AGBL4: variants seen among roughly 807,000 people sequenced by gnomAD.
The protein encoded by AGBL4 is cytosolic carboxypeptidase 6.
Under a neutral mutation model 66.4 loss-of-function variants are expected in AGBL4, and 58 were observed. That is an observed-to-expected ratio of 0.87 (90% CI 0.71 to 1.09). AGBL4 has a LOEUF of 1.09. AGBL4 is among the 50% of genes least tolerant of loss of function. The pLI, the probability that AGBL4 is intolerant of heterozygous loss-of-function variation, is 0.00. For missense variants in AGBL4, 579 were observed against 631.0 expected (o/e 0.92, Z 0.88); for synonymous variants, 234 against 222.9 (o/e 1.05, Z -0.44).
intron 3 of AGBL4, among the ~76,000 whole-genome samples, chr1:49,489,052 T>G (rs953618187): frequency 3.9e-5 from 6 of 151,908 alleles, no homozygotes; most frequent in Admixed American, 6.6e-5. Context: ...ATATATCTAG[T>G]AGTGGAATTG....
intron 4 of AGBL4, among the ~76,000 whole-genome samples, chr1:49,145,957 A>G (rs1646209516): frequency 6.6e-6 from 1 of 152,222 alleles, no homozygotes; most frequent in Non-Finnish European, 1.5e-5. Flanking sequence ...ATTTGCAACG[A>G]CATGGATGGA....
chr1:49,390,956 G>A (rs1644832483), intron 3 of AGBL4, among the ~76,000 whole-genome samples: 2 of 152,180 alleles, frequency 1.3e-5, no homozygotes, highest in South Asian at 4.1e-4. Context: ...CCTTACACCA[G>A]GCTGCGGTGT....
At chr1:49,158,785 C>T (rs1646484107) in intron 4 of AGBL4, among the ~76,000 whole-genome samples, 1 of 151,546 alleles carries the variant, frequency 6.6e-6, no homozygotes, top group African/African-American at 2.4e-5. Flanking sequence ...GGATAATTAG[C>T]TCTTCTTGTT....
At chr1:48,712,215 C>G (rs1646978757) in intron 6 of AGBL4, among the ~76,000 whole-genome samples, 1 of 152,188 alleles carries the variant, frequency 6.6e-6, no homozygotes, top group Non-Finnish European at 1.5e-5. Context: ...TCCCTTCCTT[C>G]TTCTGTTCCA....
intron 1 of AGBL4, among the ~76,000 whole-genome samples, chr1:49,894,325 A>G (rs981108016): frequency 1.3e-5 from 2 of 152,146 alleles, no homozygotes; most frequent in African/African-American, 4.8e-5. Flanking sequence ...GAATGAACCT[A>G]CACAAGCATC....
chr1:49,688,319 G>A (rs1474262371), intron 3 of AGBL4, among the ~76,000 whole-genome samples: 1 of 152,142 alleles, frequency 6.6e-6, no homozygotes, highest in Non-Finnish European at 1.5e-5. Flanking sequence ...CAAAAAGAGA[G>A]AGCATGTAAA....
intron 3 of AGBL4, among the ~76,000 whole-genome samples, chr1:49,634,257 C>G (rs1645628109): frequency 6.6e-6 from 1 of 152,034 alleles, no homozygotes. Flanking sequence ...TGTTCCCCTC[C>G]CTGTGTCCAT....
intron 11 of AGBL4, among the ~76,000 whole-genome samples, chr1:48,549,410 G>A (rs1180498048): frequency 6.6e-6 from 1 of 152,174 alleles, no homozygotes; most frequent in Non-Finnish European, 1.5e-5. Context: ...CCCATTGCAG[G>A]CAAGTCCAGA....
At chr1:48,960,222 G>T (rs767692488) in intron 5 of AGBL4, among the ~76,000 whole-genome samples, 3 of 152,062 alleles carry the variant, frequency 2.0e-5, no homozygotes, top group Non-Finnish European at 4.4e-5. Context: ...TGGTGGAAAG[G>T]CTATTGGAAA....
chr1:48,653,065 C>T (rs1645957425), intron 8 of AGBL4, among the ~76,000 whole-genome samples: 1 of 152,140 alleles, frequency 6.6e-6, no homozygotes, highest in South Asian at 2.1e-4. Flanking sequence ...CCCAAGGTTA[C>T]ATGGAAAGTA....
At chr1:49,810,188 C>A (rs1201534024) in intron 2 of AGBL4, among the ~76,000 whole-genome samples, 4 of 151,898 alleles carry the variant, frequency 2.6e-5, no homozygotes, top group Non-Finnish European at 1.5e-5. Context: ...GTCACACAAC[C>A]AGTAAGTAGC....
chr1:49,741,366 C>T (rs187714464), intron 2 of AGBL4, among the ~76,000 whole-genome samples: 3 of 152,304 alleles, frequency 2.0e-5, no homozygotes, highest in Admixed American at 1.3e-4. Flanking sequence ...AGTTGAATCT[C>T]TGAATAGACC....
At chr1:49,059,353 A>G (rs897640606) in intron 4 of AGBL4, among the ~76,000 whole-genome samples, 1 of 152,230 alleles carries the variant, frequency 6.6e-6, no homozygotes, top group Admixed American at 6.5e-5. Flanking sequence ...TGTTGGGCCT[A>G]TGGGTACACA....
chr1:48,781,832 C>G (rs907441146), intron 6 of AGBL4, among the ~76,000 whole-genome samples: 1 of 152,226 alleles, frequency 6.6e-6, no homozygotes, highest in African/African-American at 2.4e-5. Flanking sequence ...AGCTCTTTGT[C>G]TTCTGCCCAA....
chr1:49,530,978 T>C (rs1651097291), intron 3 of AGBL4, among the ~76,000 whole-genome samples: 1 of 152,122 alleles, frequency 6.6e-6, no homozygotes, highest in South Asian at 2.1e-4. Flanking sequence ...AAATAGTATA[T>C]GTAAATACCT....
rs1650746814 is a variant in AGBL4, at chr1:49,743,716, T to C, written c.158-46279A>G. ...GGCACATATACACCATGGAATACTA[T>C]GAAGCCATAAAAAATTATGAGTTCA... is the stretch of plus-strand genomic sequence containing the variant. On this transcript the variant is annotated intron_variant, in intron 2 of 13. Coordinates refer to ENST00000371839, the MANE Select transcript of AGBL4 (RefSeq NM_032785.4). 2.0e-5 allele frequency among the ~76,000 whole-genome samples: 3 copies of C among 152,102 alleles called. No individual in the cohort carries two copies. The South Asian group carries it at 6.2e-4, about 32-fold the overall frequency.
chr1:48,925,581 A>G lies in AGBL4; in HGVS notation c.595-58351T>C, dbSNP rs140334574. ...TGTATTTTATGTGTGGCCCAAGACA[A>G]TTATTCTTCTTCCAATGTGGCCCAG... On this transcript the variant is annotated intron_variant, in intron 5 of 13. Transcript: ENST00000371839. Among the ~76,000 whole-genome samples the G allele has an allele frequency of 2.8e-3, 433 of 152,234 alleles. 4 individuals carry two copies. The highest frequency in any genetic ancestry group is 0.01 in the Middle Eastern group (3 of 294).
chr1:48,579,492 C>G (rs1024280306), intron 11 of AGBL4, among the ~76,000 whole-genome samples: 3 of 151,668 alleles, frequency 2.0e-5, no homozygotes, highest in African/African-American at 7.3e-5. Context: ...CCACCCGCCT[C>G]AGCCTCCCAA....
rs190742293 is a variant in AGBL4 at position 49,648,456 on chromosome 1, T to C, written c.282+48857A>G. The stretch of plus-strand genomic sequence containing the variant: ...GGAACAGAAGAAATATTTGCAAACA[T>C]GATGACTAAGAGTTCTCCCAAAGTT... On this transcript the variant is annotated intron_variant, in intron 3 of 13. Transcript: ENST00000371839. Among the ~76,000 whole-genome samples, 240 of 151,874 alleles carry C rather than the reference T, an allele frequency of 1.6e-3. 1 individual carries two copies. The highest frequency in any genetic ancestry group is 4.9e-3 in the African/African-American group (205 of 41,456).
Sources: allele counts gnomAD v4.1 joint callset (sites outside exome capture counted in the v4.1 genomes callset), GRCh38; gene constraint gnomAD v4.1.1; transcripts MANE v1.5; gene names NCBI Gene and HGNC (gene_info 2026-07-23, HGNC 2026-07-21).